Variants in GRIN2A observed in about 807,000 individuals in gnomAD.
GRIN2A encodes glutamate receptor ionotropic, NMDA 2A.
GRIN2A carries 22 observed loss-of-function variants against 113.4 expected under a neutral mutation model. That is an observed-to-expected ratio of 0.19 (90% CI 0.14 to 0.28). The LOEUF (loss-of-function observed/expected upper bound fraction) is 0.28, where lower values mean the gene tolerates loss of function less well. Among genes scored for constraint, GRIN2A ranks in the 10% least tolerant of loss-of-function variants. GRIN2A has a pLI of 1.00. For missense variants in GRIN2A, 1,502 were observed against 1,887.0 expected (o/e 0.80, Z 3.78); for synonymous variants, 827 against 738.4 (o/e 1.12, Z -1.94).
intron 3 of GRIN2A, among the ~76,000 whole-genome samples, chr16:9,900,840 G>A (rs969731565): frequency 1.3e-5 from 2 of 152,122 alleles, no homozygotes; most frequent in Admixed American, 6.5e-5. Flanking sequence ...AGAGCCAGTG[G>A]AACCAGCTCA....
chr16:9,831,918 C>G (rs2042502713), intron 8 of GRIN2A, among the ~76,000 whole-genome samples: 1 of 151,684 alleles, frequency 6.6e-6, no homozygotes, highest in Non-Finnish European at 1.5e-5. Context: ...TCACTCACAT[C>G]TTTTTATTTT....
At chr16:9,860,442 T>A (rs2043045560) in intron 4 of GRIN2A, among the ~76,000 whole-genome samples, 1 of 44,684 alleles carries the variant, frequency 2.2e-5, no homozygotes, top group East Asian at 4.0e-4. Flanking sequence ...AGCAAGAGTC[T>A]CTCAAAAAAA....
chr16:9,934,712 A>C (rs2044672407), intron 3 of GRIN2A, among the ~76,000 whole-genome samples: 1 of 142,184 alleles, frequency 7.0e-6, no homozygotes, highest in Admixed American at 7.0e-5. Context: ...AAAAGGAGAT[A>C]TAATCCTTTT....
chr16:10,091,923 T>C (rs966325281), intron 2 of GRIN2A, among the ~76,000 whole-genome samples: 55 of 152,350 alleles, frequency 3.6e-4, no homozygotes, highest in Non-Finnish European at 1.6e-4. Context: ...GAAAATGTTC[T>C]AAAATTTATT....
chr16:10,116,159 G>A (rs770055511), intron 2 of GRIN2A, among the ~76,000 whole-genome samples: 3 of 152,214 alleles, frequency 2.0e-5, no homozygotes, highest in African/African-American at 4.8e-5. Context: ...ATGAGATCAC[G>A]TCCTTTGCAG....
chr16:10,143,477 T>C (rs937159198), intron 2 of GRIN2A, among the ~76,000 whole-genome samples: 3 of 152,190 alleles, frequency 2.0e-5, no homozygotes, highest in African/African-American at 4.8e-5. Context: ...TTTAAAAACC[T>C]TGAGTTATTT....
chr16:10,040,005 A>C (rs1475633825), intron 2 of GRIN2A, among the ~76,000 whole-genome samples: 1 of 115,448 alleles, frequency 8.7e-6, no homozygotes, highest in African/African-American at 3.3e-5. Context: ...TACACAACAC[A>C]CACATCCACA....
At chr16:10,137,673 T>TA (rs1191933286) in intron 2 of GRIN2A, among the ~76,000 whole-genome samples, 1 of 152,184 alleles carries the variant, frequency 6.6e-6, no homozygotes, top group Non-Finnish European at 1.5e-5. Flanking sequence ...TTCTTTTCAA[T>TA]AAAAATTCAC....
At chr16:10,108,217 A>G (rs2048534536) in intron 2 of GRIN2A, among the ~76,000 whole-genome samples, 1 of 152,226 alleles carries the variant, frequency 6.6e-6, no homozygotes, top group Admixed American at 6.5e-5. Flanking sequence ...GGAAAGCAAG[A>G]AGGTGCAAGT....
chr16:9,758,459 T>C lies in GRIN2A; in HGVS notation c.*4690A>G. 4.6e-6 allele frequency: 1 copy of C among 219,124 alleles called. No individual in the cohort carries two copies. The highest frequency in any genetic ancestry group is 2.2e-5 in the African/African-American group (1 of 44,656). The allele number at this position is 219,124 out of a possible 1,614,324, so 13.6% of individuals were successfully genotyped here. On this transcript the variant is annotated 3_prime_UTR_variant, in exon 13 of 13. Transcript: ENST00000330684. ...CCCTACAACTGAGATTAAAAAAATA[T>C]AGTGCCCTCTCTACAGAAATATCCT... is the stretch of plus-strand genomic sequence containing the variant.
intron 2 of GRIN2A, among the ~76,000 whole-genome samples, chr16:9,955,504 C>T (rs1040084261): frequency 1.8e-4 from 27 of 152,096 alleles, no homozygotes; most frequent in African/African-American, 6.3e-4. Flanking sequence ...CTGTTACTGC[C>T]CCTACCTTTA....
chr16:10,087,470 A>C (rs2048105998), intron 2 of GRIN2A, among the ~76,000 whole-genome samples: 1 of 152,168 alleles, frequency 6.6e-6, no homozygotes, highest in Non-Finnish European at 1.5e-5. Flanking sequence ...ATGACCTAGA[A>C]AGGAGCCCTC....
intron 10 of GRIN2A, among the ~76,000 whole-genome samples, chr16:9,816,839 A>G (rs1215379401): frequency 1.3e-5 from 2 of 152,142 alleles, no homozygotes; most frequent in Non-Finnish European, 2.9e-5. Context: ...AGCAATCTAC[A>G]TTTTTATTAG....
chr16:9,764,706 G>T lies in GRIN2A; in HGVS notation c.2838C>A (p.Asn946Lys). ...SDKGNLMYSD[N>K]RSFQGKESIF... ...TGCTCTCTTTCCCCTGAAAGGACCT[G>T]TTGTCTGAGTACATCAAATTCCCCT... The change falls in exon 13 of 13, where the codon AAC becomes AAA. Residue 946 changes from asparagine to lysine, a missense_variant. Asn to Lys is a moderately conservative substitution (Grantham distance 94). Around this residue, in one of 7 missense-constraint regions of GRIN2A, gnomAD observed 832 missense variants for 789.7 expected, o/e 1.05. Coordinates refer to ENST00000330684, the MANE Select transcript of GRIN2A (RefSeq NM_001134407.3). The T allele has an allele frequency of 6.2e-7, 1 of 1,614,210 alleles. No individual in the cohort carries two copies. The highest frequency in any genetic ancestry group is 8.5e-7 in the Non-Finnish European group (1 of 1,180,028).
intron 9 of GRIN2A, among the ~76,000 whole-genome samples, chr16:9,828,042 C>T (rs1246598509): frequency 6.6e-6 from 1 of 152,162 alleles, no homozygotes; most frequent in African/African-American, 2.4e-5. Context: ...AAGTTTATTA[C>T]AGTAGCCAGG....
At chr16:9,985,432 G>A (rs998614313) in intron 2 of GRIN2A, among the ~76,000 whole-genome samples, 9 of 152,074 alleles carry the variant, frequency 5.9e-5, no homozygotes, top group Non-Finnish European at 1.2e-4. Flanking sequence ...GCCAAGATTT[G>A]GAATCAACCT....
intron 2 of GRIN2A, among the ~76,000 whole-genome samples, chr16:10,063,038 C>T (rs2047577231): frequency 1.3e-5 from 2 of 152,236 alleles, no homozygotes; most frequent in South Asian, 4.2e-4. Flanking sequence ...GGAATATACA[C>T]AGCCATAAAA....
At chr16:9,858,448 G>C (rs1229838639) in intron 4 of GRIN2A, among the ~76,000 whole-genome samples, 1 of 151,828 alleles carries the variant, frequency 6.6e-6, no homozygotes, top group South Asian at 2.1e-4. Flanking sequence ...TTGTGTGGGA[G>C]GAGAAAAAAA....
intron 10 of GRIN2A, among the ~76,000 whole-genome samples, chr16:9,803,217 C>A (rs2041900175): frequency 6.6e-6 from 1 of 152,004 alleles, no homozygotes; most frequent in Non-Finnish European, 1.5e-5. Context: ...CCAGCTTGAC[C>A]AACATGGAGA....
Sources: gnomAD v4.1 joint callset for allele counts (sites outside exome capture counted in the v4.1 genomes callset) on GRCh38, gnomAD v4.1.1 for gene constraint, gnomAD v4.1.1 regional missense constraint, MANE v1.5 for transcripts, NCBI Gene and HGNC (gene_info 2026-07-23, HGNC 2026-07-21) for gene names.